Variants in FARP1 observed in about 807,000 individuals in gnomAD.
The protein encoded by FARP1 is FERM, ARHGEF and pleckstrin domain-containing protein 1.
FARP1 carries 52 observed loss-of-function variants against 128.8 expected under a neutral mutation model. The observed-to-expected ratio is 0.40, with a 90% CI of 0.32 to 0.51. FARP1 has a LOEUF of 0.51. FARP1 is among the 20% of genes least tolerant of loss of function. The pLI is 0.45. For synonymous variants in FARP1, 580 were observed against 551.8 expected (o/e 1.05, Z -0.72); for missense variants, 1,333 against 1,367.9 (o/e 0.97, Z 0.40).
At chr13:98,335,044 A>G (rs1276569064) in intron 2 of FARP1, among the ~76,000 whole-genome samples, 4 of 152,216 alleles carry the variant, frequency 2.6e-5, no homozygotes, top group Admixed American at 2.0e-4. Flanking sequence ...CAAGTGGGCT[A>G]CTTCTAAAAA....
rs1214524619 is a variant in FARP1, at chr13:98,143,372, C to T, written c.-144C>T. ...AGCCCTGCTCGCGCGCCCGCGCCGC[C>T]GCCGCCCGCGGGTATTAATAGCCGG... is the stretch of plus-strand genomic sequence containing the variant. On this transcript the variant is annotated 5_prime_UTR_variant, in exon 1 of 27. Coordinates refer to ENST00000319562, the MANE Select transcript of FARP1 (RefSeq NM_005766.4). 2 of 150,090 alleles carry T rather than the reference C, an allele frequency of 1.3e-5. No individual in the cohort carries two copies. Among genetic ancestry groups the T allele is most frequent in the Non-Finnish European group, 3.0e-5 (2 of 67,080 alleles). 9.3% of individuals were successfully genotyped at this position (150,090 alleles called of 1,614,324 possible).
At chr13:98,358,796 C>A (rs4338646) in intron 3 of FARP1, among the ~76,000 whole-genome samples, 1 of 151,930 alleles carries the variant, frequency 6.6e-6, no homozygotes, top group Non-Finnish European at 1.5e-5. Flanking sequence ...CCACCACGCC[C>A]GGCTAATTTT....
At chr13:98,145,002 A>G (rs1875414867) in intron 1 of FARP1, among the ~76,000 whole-genome samples, 1 of 152,218 alleles carries the variant, frequency 6.6e-6, no homozygotes, top group South Asian at 2.1e-4. Context: ...CAAGGCATCA[A>G]TATTGGAGTT....
At chr13:98,363,039 A>G (rs1386274941) in intron 3 of FARP1, among the ~76,000 whole-genome samples, 1 of 152,190 alleles carries the variant, frequency 6.6e-6, no homozygotes, top group Non-Finnish European at 1.5e-5. Flanking sequence ...ACCTGCATCC[A>G]TTCTTGCTCC....
At chr13:98,398,141 A>G (rs925926199) in intron 13 of FARP1, 20 of 152,166 alleles carry the variant, frequency 1.3e-4, no homozygotes, top group South Asian at 2.1e-4. Context: ...TTGACAAATG[A>G]TATCTGTCCA....
chr13:98,237,160 C>T (rs957184930), intron 2 of FARP1, among the ~76,000 whole-genome samples: 9 of 151,672 alleles, frequency 5.9e-5, no homozygotes, highest in Non-Finnish European at 1.0e-4. Context: ...CAAAATTTGC[C>T]GGGCATGGTG....
intron 1 of FARP1, among the ~76,000 whole-genome samples, chr13:98,210,839 G>C (rs925241107): frequency 6.6e-6 from 1 of 152,248 alleles, no homozygotes; most frequent in East Asian, 1.9e-4. Context: ...GTGAGCCACC[G>C]CACCCAGCCC....
At chr13:98,206,214 T>TGA (rs1435890140) in intron 1 of FARP1, among the ~76,000 whole-genome samples, 3 of 146,022 alleles carry the variant, frequency 2.1e-5, no homozygotes, top group Non-Finnish European at 4.5e-5. Context: ...TGTGTGTGTG[T>TGA]GTGATCCTTT....
chr13:98,322,561 C>G (rs1360675917), intron 2 of FARP1, among the ~76,000 whole-genome samples: 7 of 122,444 alleles, frequency 5.7e-5, no homozygotes, highest in Non-Finnish European at 1.1e-4. Context: ...CCTTAGCCGT[C>G]AGTGCTCCTT....
intron 2 of FARP1, among the ~76,000 whole-genome samples, chr13:98,258,743 T>C (rs1018421803): frequency 1.3e-5 from 2 of 152,150 alleles, no homozygotes; most frequent in African/African-American, 4.8e-5. Context: ...CTGAGGCTCT[T>C]TCATCCTCTG....
chr13:98,205,168 C>CA (rs917589996), intron 1 of FARP1, among the ~76,000 whole-genome samples: 1 of 152,268 alleles, frequency 6.6e-6, no homozygotes, highest in Middle Eastern at 3.4e-3. Flanking sequence ...AGCTATGACT[C>CA]AGGAAATGAG....
intron 2 of FARP1, among the ~76,000 whole-genome samples, chr13:98,269,007 C>G (rs879926444): frequency 6.6e-6 from 1 of 152,172 alleles, no homozygotes; most frequent in African/African-American, 2.4e-5. Context: ...TCTGGGATTA[C>G]AGGCATGAGC....
At chr13:98,193,130 T>C (rs1482283077) in intron 1 of FARP1, among the ~76,000 whole-genome samples, 1 of 151,560 alleles carries the variant, frequency 6.6e-6, no homozygotes, top group Non-Finnish European at 1.5e-5. Context: ...CAATCTAGGC[T>C]CACTGCAACA....
intron 12 of FARP1, among the ~76,000 whole-genome samples, chr13:98,394,858 G>A (rs1161779899): frequency 2.0e-5 from 3 of 152,184 alleles, no homozygotes; most frequent in South Asian, 2.1e-4. Context: ...CCAAGAGGTC[G>A]AGGCCGCTGT....
chr13:98,277,148 ACC>A (rs57792850), intron 2 of FARP1, among the ~76,000 whole-genome samples: 1 of 138,580 alleles, frequency 7.2e-6, no homozygotes, highest in African/African-American at 2.7e-5. Flanking sequence ...ACACACACAC[ACC>A]CCATATGTAT....
intron 2 of FARP1, among the ~76,000 whole-genome samples, chr13:98,230,952 A>G (rs972291712): frequency 4.6e-5 from 7 of 152,228 alleles, no homozygotes; most frequent in African/African-American, 7.2e-5. Flanking sequence ...GGCACATCTT[A>G]CATGGCGGCA....
rs558048434 is a variant in FARP1, at chr13:98,298,140, C to T, written c.172-45622C>T. Among the ~76,000 whole-genome samples, 29 of 152,324 alleles carry T rather than the reference C, an allele frequency of 1.9e-4. 1 individual carries two copies. Among genetic ancestry groups the T allele is most frequent in the Admixed American group, 1.3e-3 (20 of 15,296 alleles). On this transcript the variant is annotated intron_variant, in intron 2 of 26. Transcript: ENST00000319562. ...AGAGCTGCGCAGCACGGTGGCCCTG[C>T]GTGTGCTCTGCATATTTGAGCATCT...
chr13:98,384,915 A>G (rs529721182), intron 7 of FARP1, 71 bp downstream of exon 7: 35 of 863,314 alleles, frequency 4.1e-5, no homozygotes, highest in East Asian at 1.9e-4. Context: ...ATGGGTGTAC[A>G]TCCCTCCACC....
chr13:98,408,895 C>T (rs572226028), intron 13 of FARP1, among the ~76,000 whole-genome samples: 1 of 152,260 alleles, frequency 6.6e-6, no homozygotes, highest in African/African-American at 2.4e-5. Context: ...CCCATTGTTA[C>T]GGGACGTAGT....
Sources: allele counts gnomAD v4.1 joint callset (sites outside exome capture counted in the v4.1 genomes callset), GRCh38; gene constraint gnomAD v4.1.1; transcripts MANE v1.5; gene names NCBI Gene and HGNC (gene_info 2026-07-23, HGNC 2026-07-21).